MIB1: variants seen among roughly 807,000 people sequenced by gnomAD.
MIB1 encodes the protein E3 ubiquitin-protein ligase MIB1.
A neutral mutation model predicts 124.5 loss-of-function variants in MIB1; 278 were observed. That is an observed-to-expected ratio of 2.23 (90% CI 2.02 to 2.47). MIB1 has a LOEUF of 2.47. MIB1 is among the 30% of genes most tolerant of loss of function. The probability of loss-of-function intolerance (pLI) is 0.00; values close to 1 mark genes in which losing one functional copy is unlikely to be tolerated. For synonymous variants in MIB1, 446 were observed against 429.4 expected (o/e 1.04, Z -0.48); for missense variants, 957 against 1,254.4 (o/e 0.76, Z 3.58).
At chr18:21,835,609 T>A (rs1027016328) in intron 12 of MIB1, among the ~76,000 whole-genome samples, 12 of 150,978 alleles carry the variant, frequency 7.9e-5, no homozygotes. Flanking sequence ...CTACTAAAAA[T>A]ACACATAAAA....
At chr18:21,723,555 GC>G (rs1568176380) in intron 1 of MIB1, among the ~76,000 whole-genome samples, 2 of 151,496 alleles carry the variant, frequency 1.3e-5, no homozygotes, top group Non-Finnish European at 2.9e-5. Flanking sequence ...TTTCTCTGTC[GC>G]CCAGGCTGAA....
At position 21,853,226 on chromosome 18, in the gene MIB1, G is replaced by C. The variant is rs567548350; in HGVS notation, c.2665+8G>C. The C allele has an allele frequency of 5.0e-6, 8 of 1,587,174 alleles. No homozygotes were observed. The highest frequency in any genetic ancestry group is 1.7e-4 in the Middle Eastern group (1 of 5,976). On this transcript the variant is annotated splice_region_variant and intron_variant, in intron 18 of 20. Transcript: ENST00000261537. ...ACATGTGTGCTTGTGAGAGTAAGTA[G>C]CCTATGCAGAGTTCCTCAATATTAT...
chr18:21,757,466 A>AAC (rs1215666018), intron 1 of MIB1, among the ~76,000 whole-genome samples: 1 of 145,514 alleles, frequency 6.9e-6, no homozygotes, highest in East Asian at 2.0e-4. Context: ...AAAAAAAAAA[A>AAC]AAAAAAAAAA....
upstream of MIB1, among the ~76,000 whole-genome samples, chr18:21,737,193 AC>A (rs2040800207): frequency 6.6e-6 from 1 of 152,142 alleles, no homozygotes; most frequent in Non-Finnish European, 1.5e-5. Flanking sequence ...CTCGGCAAAA[AC>A]CCTACAAGCC....
In MIB1 at chr18:21,741,471, T is replaced by G; in HGVS notation, c.-113T>G. On this transcript the variant is annotated 5_prime_UTR_variant, in exon 1 of 21. Transcript: ENST00000261537. This position sits in a 1 kb window ranked among gnomAD's most constrained non-coding sequence, Gnocchi z 5.4. ...TATTCTCACGTCCCCCGGGGCTCGC[T>G]GCCGCCCCCGCCGACGCCTAGAGTC... is the stretch of plus-strand genomic sequence containing the variant. 9 of 544,974 alleles carry G rather than the reference T, an allele frequency of 1.7e-5. No homozygotes were observed. The highest frequency in any genetic ancestry group is 1.5e-5 in the Non-Finnish European group (6 of 389,250). The allele number at this position is 544,974 out of a possible 1,614,324, so 33.8% of individuals were successfully genotyped here.
intron 1 of MIB1, among the ~76,000 whole-genome samples, chr18:21,720,413 T>C (rs2040709083): frequency 6.6e-6 from 1 of 152,148 alleles, no homozygotes; most frequent in South Asian, 2.1e-4. Flanking sequence ...ACTTCAGGGA[T>C]GTAATTAGGA....
At chr18:21,746,797 C>G (rs947767130) in intron 1 of MIB1, among the ~76,000 whole-genome samples, 1 of 152,264 alleles carries the variant, frequency 6.6e-6, no homozygotes. Context: ...TTCATTCAAA[C>G]TGTTTTGGGG....
chr18:21,753,548 A>T (rs1168407986), intron 1 of MIB1, among the ~76,000 whole-genome samples: 4 of 151,906 alleles, frequency 2.6e-5, no homozygotes, highest in Non-Finnish European at 5.9e-5. Flanking sequence ...TGAAAATTTC[A>T]GTTTAATAGT....
At chr18:21,796,063 G>A (rs982271780) in intron 7 of MIB1, among the ~76,000 whole-genome samples, 2 of 152,112 alleles carry the variant, frequency 1.3e-5, no homozygotes, top group Admixed American at 1.3e-4. Context: ...CAAAACAAAT[G>A]TCTTCTTTTG....
intron 10 of MIB1, among the ~76,000 whole-genome samples, chr18:21,806,626 T>G (rs1404860497): frequency 2.2e-5 from 3 of 134,600 alleles, no homozygotes; most frequent in Non-Finnish European, 3.2e-5. Context: ...TTGTTTTTTG[T>G]TTTTTTTTTT....
intron 1 of MIB1, among the ~76,000 whole-genome samples, chr18:21,716,951 G>T (rs1220141996): frequency 1.3e-5 from 2 of 151,928 alleles, no homozygotes; most frequent in Non-Finnish European, 2.9e-5. Context: ...TAACACAGAA[G>T]GACTAAGCAA....
intron 20 of MIB1, among the ~76,000 whole-genome samples, chr18:21,860,544 G>T (rs1027399324): frequency 1.3e-5 from 2 of 151,938 alleles, no homozygotes; most frequent in Non-Finnish European, 2.9e-5. Flanking sequence ...TTTCTTTCTG[G>T]CCATACCTTA....
At chr18:21,823,961 A>G (rs564307226) in intron 12 of MIB1, among the ~76,000 whole-genome samples, 16 of 152,302 alleles carry the variant, frequency 1.1e-4, no homozygotes, top group African/African-American at 3.4e-4. Context: ...CATAATCAGC[A>G]TGTTACTTAG....
Position 21,759,700 on chromosome 18 carries a change from T to C in MIB1, c.230-6072T>C, listed in dbSNP as rs538364402. On this transcript the variant is annotated intron_variant, in intron 1 of 20. Transcript: ENST00000261537. ...CAATTATGTTGTTTACTTTTTACTT[T>C]TGCTATTATACGAAGTGATAATTTA... Among the ~76,000 whole-genome samples, 3 of 152,350 alleles carry C rather than the reference T, an allele frequency of 2.0e-5. No homozygotes were observed. In the East Asian group the frequency reaches 5.8e-4, roughly 29 times the overall value.
intron 1 of MIB1, among the ~76,000 whole-genome samples, chr18:21,763,738 A>C (rs2041125469): frequency 6.6e-6 from 1 of 151,904 alleles, no homozygotes; most frequent in Non-Finnish European, 1.5e-5. Flanking sequence ...TTGTCTCCTG[A>C]CCCATAGCTA....
At chr18:21,857,686 A>C (rs2042241292) in intron 19 of MIB1, among the ~76,000 whole-genome samples, 1 of 152,268 alleles carries the variant, frequency 6.6e-6, no homozygotes, top group African/African-American at 2.4e-5. Context: ...GGGACAGAGT[A>C]ACTATAGGTA....
At chr18:21,860,705 G>A (rs369625774) in intron 20 of MIB1, among the ~76,000 whole-genome samples, 32 of 151,956 alleles carry the variant, frequency 2.1e-4, no homozygotes, top group South Asian at 4.2e-4. Flanking sequence ...AGTAGTTAGC[G>A]GCCCAGGATA....
Position 21,791,422 on chromosome 18 carries a change from T to C in MIB1, c.957T>C (p.Ser319=). ...AVLTKANIVR[S]GDAAQGAEGG... Reference sequence around the variant, plus strand: ...TCACTAAAGCGAACATTGTCCGAAGTGGAGATGCTGCTCAGGGTGCAGAAG... The same window carrying C: ...TCACTAAAGCGAACATTGTCCGAAGCGGAGATGCTGCTCAGGGTGCAGAAG... Residue 319 remains serine, a synonymous_variant, in exon 7 of 21, where the codon AGT becomes AGC. Transcript: ENST00000261537. The C allele has an allele frequency of 3.7e-6, 6 of 1,613,800 alleles. No homozygotes were observed. Among genetic ancestry groups the C allele is most frequent in the Non-Finnish European group, 5.1e-6 (6 of 1,179,862 alleles).
intron 18 of MIB1, among the ~76,000 whole-genome samples, chr18:21,854,011 T>TA (rs772734430): frequency 0.31 from 13,200 of 42,498 alleles, 3,015 homozygotes; most frequent in Middle Eastern, 0.53. Flanking sequence ...AGACTCAGTC[T>TA]TAAAAAAAAA....
Sources: allele counts gnomAD v4.1 joint callset (sites outside exome capture counted in the v4.1 genomes callset), GRCh38; gene constraint gnomAD v4.1.1; non-coding constraint Gnocchi (gnomAD v3.1); transcripts MANE v1.5; gene names NCBI Gene and HGNC (gene_info 2026-07-23, HGNC 2026-07-21).